IQCM: variants seen among roughly 807,000 people sequenced by gnomAD.
IQCM encodes IQ domain-containing protein M.
IQCM carries 45 observed loss-of-function variants against 57.6 expected under a neutral mutation model. The ratio of observed to expected loss-of-function variants is 0.78; its 90% CI spans 0.62 to 1.00. The LOEUF (loss-of-function observed/expected upper bound fraction) is 1.00, where lower values mean the gene tolerates loss of function less well. Ranked by LOEUF, IQCM falls within the 50% of genes least tolerant of loss-of-function variation. The pLI, the probability that IQCM is intolerant of heterozygous loss-of-function variation, is 0.00. For missense variants in IQCM, 468 were observed against 511.6 expected (o/e 0.91, Z 0.82); for synonymous variants, 148 against 158.9 (o/e 0.93, Z 0.51).
At position 149,810,097 on chromosome 4, in the gene IQCM, A is replaced by C. The variant is rs1324466258; in HGVS notation, c.-49+5214T>G. 2.0e-5 allele frequency among the ~76,000 whole-genome samples: 3 copies of C among 152,204 alleles called. No individual in the cohort carries two copies. In the East Asian group the frequency reaches 5.9e-4, roughly 30 times the overall value. On this transcript the variant is annotated intron_variant, in intron 2 of 13. Transcript: ENST00000636793. ...CTCCCCACAGGTATTACAATGTTAG[A>C]GTACGGGCTGGACATGGTGGCTCAC...
chr4:149,657,701 T>C (rs141097394), intron 7 of IQCM, among the ~76,000 whole-genome samples: 158 of 152,304 alleles, frequency 1.0e-3, no homozygotes, highest in Non-Finnish European at 2.0e-3. Context: ...ATTGCCATTC[T>C]AACTCAAATG....
rs1762557094 is a variant in IQCM, at chr4:149,686,536, C to T, written c.386-68G>A. ...AAGTTGTAAGTGCATTTTTCAAATT[C>T]AATTGCAAATCACAGATTTTTAATA... On this transcript the variant is annotated intron_variant, in intron 5 of 13. Coordinates refer to ENST00000636793, the MANE Select transcript of IQCM (RefSeq NM_001363507.2). 7.2e-6 allele frequency: 4 copies of T among 555,866 alleles called. No individual in the cohort carries two copies. The South Asian group carries it at 3.7e-4, about 51-fold the overall frequency. The allele number at this position is 555,866 out of a possible 1,614,324, so 34.4% of individuals were successfully genotyped here. A position where few individuals can be genotyped will look rare whatever the true frequency, so the allele number is the denominator to read the frequency against.
intron 5 of IQCM, among the ~76,000 whole-genome samples, chr4:149,718,526 A>C (rs1037342787): frequency 6.6e-6 from 1 of 152,254 alleles, no homozygotes; most frequent in Non-Finnish European, 1.5e-5. Flanking sequence ...TTATTTTAGA[A>C]AAATGATGTC....
At chr4:149,676,723 T>C (rs1244286252) in intron 7 of IQCM, among the ~76,000 whole-genome samples, 1 of 152,076 alleles carries the variant, frequency 6.6e-6, no homozygotes. Flanking sequence ...AGATAGATAA[T>C]TTTTTAAGCA....
chr4:149,656,101 A>C (rs1162866909), intron 7 of IQCM, among the ~76,000 whole-genome samples: 1 of 152,120 alleles, frequency 6.6e-6, no homozygotes, highest in Non-Finnish European at 1.5e-5. Flanking sequence ...AAAAACAGGA[A>C]AACTAAGGCT....
intron 8 of IQCM, among the ~76,000 whole-genome samples, chr4:149,597,026 A>T: frequency 6.6e-6 from 1 of 151,898 alleles, no homozygotes; most frequent in South Asian, 2.1e-4. Flanking sequence ...TTATTATGTA[A>T]AGACTATAAA....
chr4:149,382,491 G>A (rs1731145869), intron 13 of IQCM, among the ~76,000 whole-genome samples: 1 of 151,998 alleles, frequency 6.6e-6, no homozygotes, highest in African/African-American at 2.4e-5. Flanking sequence ...AATTGGCACT[G>A]GGTCTTAGTT....
At chr4:149,542,684 A>G (rs1292630249) in intron 12 of IQCM, among the ~76,000 whole-genome samples, 1 of 152,142 alleles carries the variant, frequency 6.6e-6, no homozygotes, top group African/African-American at 2.4e-5. Flanking sequence ...GAGTCATTAT[A>G]CAATTTTGTT....
At chr4:149,548,368 A>C (rs1748666328) in intron 12 of IQCM, 87 bp downstream of exon 12, 1 of 1,081,186 alleles carries the variant, frequency 9.2e-7, no homozygotes, top group Non-Finnish European at 1.2e-6. Context: ...GAAGAAAGGA[A>C]GAGAACAACT....
intron 7 of IQCM, among the ~76,000 whole-genome samples, chr4:149,643,150 A>G (rs1758347361): frequency 6.6e-6 from 1 of 152,178 alleles, no homozygotes; most frequent in Non-Finnish European, 1.5e-5. Flanking sequence ...GGGCCAAACT[A>G]ATTGTAACGC....
intron 12 of IQCM, among the ~76,000 whole-genome samples, chr4:149,544,864 G>A (rs1025903184): frequency 4.6e-5 from 7 of 152,102 alleles, no homozygotes; most frequent in East Asian, 1.9e-4. Context: ...AAAATCGGAC[G>A]TTTATTTAAC....
intron 12 of IQCM, among the ~76,000 whole-genome samples, chr4:149,543,067 A>AC (rs1259470308): frequency 6.6e-6 from 1 of 152,166 alleles, no homozygotes; most frequent in African/African-American, 2.4e-5. Flanking sequence ...AATTTGAAAA[A>AC]AAAATACATA....
intron 6 of IQCM, among the ~76,000 whole-genome samples, chr4:149,684,109 A>G (rs1177864430): frequency 6.6e-6 from 1 of 151,384 alleles, no homozygotes; most frequent in African/African-American, 2.4e-5. Context: ...CATTTTGTTG[A>G]TGGGAAATTA....
intron 7 of IQCM, among the ~76,000 whole-genome samples, chr4:149,662,472 T>A (rs1241821298): frequency 2.0e-5 from 3 of 152,006 alleles, no homozygotes; most frequent in Admixed American, 6.6e-5. Flanking sequence ...TTCTTTATTT[T>A]TTTATCTTAA....
At chr4:149,399,847 G>A (rs75976381) in intron 13 of IQCM, among the ~76,000 whole-genome samples, 1,682 of 152,110 alleles carry the variant, frequency 0.011, 40 homozygotes, top group African/African-American at 0.039. Flanking sequence ...TGCCTAAATC[G>A]TAGCAAGTTC....
chr4:149,703,709 A>AATTTATTT (rs1211258316), intron 5 of IQCM, among the ~76,000 whole-genome samples: 2 of 152,064 alleles, frequency 1.3e-5, no homozygotes, highest in East Asian at 3.9e-4. Context: ...ACAGAATAAG[A>AATTTATTT]ATTTATTTTA....
At chr4:149,781,486 C>T (rs151108204) in intron 2 of IQCM, among the ~76,000 whole-genome samples, 25 of 152,262 alleles carry the variant, frequency 1.6e-4, no homozygotes, top group African/African-American at 5.5e-4. Context: ...GGTATCACAA[C>T]GCTTGTGTTC....
intron 12 of IQCM, among the ~76,000 whole-genome samples, chr4:149,469,767 C>T (rs181233225): frequency 5.3e-5 from 8 of 152,262 alleles, no homozygotes; most frequent in South Asian, 2.1e-4. Context: ...AGACTAACAG[C>T]GGATCTCTCG....
chr4:149,663,255 C>A (rs373468667), intron 7 of IQCM, among the ~76,000 whole-genome samples: 8 of 151,656 alleles, frequency 5.3e-5, no homozygotes, highest in Non-Finnish European at 1.2e-4. Context: ...TCCTCTGCCA[C>A]TAATGGTATC....
Sources: allele counts gnomAD v4.1 joint callset (sites outside exome capture counted in the v4.1 genomes callset), GRCh38; gene constraint gnomAD v4.1.1; transcripts MANE v1.5; gene names NCBI Gene and HGNC (gene_info 2026-07-23, HGNC 2026-07-21).